Variants in TSC22D1 observed in about 807,000 individuals in gnomAD.
The protein encoded by TSC22D1 is TSC22 domain family member 1.
Under a neutral mutation model 74.2 loss-of-function variants are expected in TSC22D1, and 9 were observed. That is an observed-to-expected ratio of 0.12 (90% CI 0.07 to 0.21). The LOEUF is 0.21. Ranked by LOEUF, TSC22D1 falls within the 10% of genes least tolerant of loss-of-function variation. The pLI is 1.00. For missense variants in TSC22D1, 1,427 were observed against 1,304.7 expected (o/e 1.09, Z -1.44); for synonymous variants, 586 against 492.5 (o/e 1.19, Z -2.51).
At chr13:44,553,535 C>G (rs1882428466) in intron 1 of TSC22D1, among the ~76,000 whole-genome samples, 2 of 152,244 alleles carry the variant, frequency 1.3e-5, no homozygotes, top group South Asian at 4.1e-4. Context: ...TGGGACTGAG[C>G]ATGGAAGAGA....
chr13:44,509,960 A>G (rs1205759126), intron 1 of TSC22D1, among the ~76,000 whole-genome samples: 3 of 149,844 alleles, frequency 2.0e-5, no homozygotes, highest in African/African-American at 7.5e-5. Flanking sequence ...CAAAAAAAAA[A>G]AAAAAAAAAA....
In TSC22D1 at chr13:44,443,434, A is replaced by G. The variant is rs140718097; in HGVS notation, c.2913-7339T>C. On this transcript the variant is annotated intron_variant, in intron 1 of 2. Coordinates refer to ENST00000458659, the MANE Select transcript of TSC22D1 (RefSeq NM_183422.4). ...AAGGATTCATCACTGTAACTCCTTC[A>G]GACAGAAGGAAAATGATACCAGATG... 1.5e-3 allele frequency among the ~76,000 whole-genome samples: 224 copies of G among 152,344 alleles called. 1 individual carries two copies. Among genetic ancestry groups the G allele is most frequent in the African/African-American group, 5.0e-3 (208 of 41,586 alleles).
chr13:44,576,752 G>A (rs1884281378), upstream of TSC22D1, among the ~76,000 whole-genome samples: 1 of 151,206 alleles, frequency 6.6e-6, no homozygotes, highest in Non-Finnish European at 1.5e-5. Context: ...GGGCGGCGGC[G>A]AGGCGCCCGG....
At chr13:44,476,332 A>G (rs2137920839) in intron 1 of TSC22D1, among the ~76,000 whole-genome samples, 1 of 152,288 alleles carries the variant, frequency 6.6e-6, no homozygotes, top group East Asian at 1.9e-4. Flanking sequence ...TTTATTATAA[A>G]ACAGAATCAT....
At chr13:44,506,486 G>A (rs553871149) in intron 1 of TSC22D1, among the ~76,000 whole-genome samples, 1 of 152,260 alleles carries the variant, frequency 6.6e-6, no homozygotes, top group South Asian at 2.1e-4. Context: ...CTGTTGAGGG[G>A]GCAGGGGAGG....
At chr13:44,473,176 C>T (rs1877703805) in intron 1 of TSC22D1, among the ~76,000 whole-genome samples, 1 of 152,102 alleles carries the variant, frequency 6.6e-6, no homozygotes, top group Non-Finnish European at 1.5e-5. Context: ...ACCAATCACT[C>T]AAGTATTTTA....
chr13:44,575,062 A>T lies in TSC22D1; in HGVS notation c.1013T>A (p.Ile338Lys). ...VTSSMLGNVN[I>K]STSNIPSAAG... ...AGCACTAGGAATATTGCTTGTACTT[A>T]TATTAACATTACCAAGCATGCTGCT... The change falls in exon 1 of 3, where the codon ATA becomes AAA. Residue 338 changes from isoleucine (I) to lysine (K), a missense_variant. By Grantham distance (102) the Ile-to-Lys change is moderately radical. Transcript: ENST00000458659. 6.2e-7 allele frequency: 1 copy of T among 1,614,204 alleles called. No homozygotes were observed.
intron 1 of TSC22D1, chr13:44,537,976 T>C (rs1326318478): frequency 3.0e-6 from 3 of 985,210 alleles, no homozygotes; most frequent in African/African-American, 3.5e-5. Flanking sequence ...CATTCTTTAA[T>C]AGCTTTTGAC....
intron 1 of TSC22D1, among the ~76,000 whole-genome samples, chr13:44,528,222 A>C (rs1481132926): frequency 6.6e-6 from 1 of 152,108 alleles, no homozygotes. Flanking sequence ...AGGCTACTTC[A>C]TCCAACAACA....
At position 44,574,766 on chromosome 13, in the gene TSC22D1, G is replaced by C. The variant is rs957273864; in HGVS notation, c.1309C>G (p.Pro437Ala). 6.2e-7 allele frequency: 1 copy of C among 1,613,930 alleles called. No homozygotes were observed. The highest frequency in any genetic ancestry group is 1.3e-5 in the African/African-American group (1 of 74,908). Residue 437 changes from proline (P) to alanine (A), a missense_variant, in exon 1 of 3, where the codon CCT becomes GCT. Transcript: ENST00000458659. ...TEFYEKENAV[P>A]ATEGVLINKV... is the part of the protein sequence containing the mutation. ...TTTATCAGCACACCTTCTGTAGCAG[G>C]TACAGCATTTTCTTTTTCATAGAAC...
intron 1 of TSC22D1, among the ~76,000 whole-genome samples, chr13:44,553,351 T>C (rs1056577013): frequency 6.6e-6 from 1 of 152,212 alleles, no homozygotes; most frequent in Admixed American, 6.5e-5. Context: ...TACTATTTTT[T>C]TTTTTCACTT....
intron 1 of TSC22D1, among the ~76,000 whole-genome samples, chr13:44,511,303 T>A (rs1346910186): frequency 6.6e-6 from 1 of 151,864 alleles, no homozygotes; most frequent in South Asian, 2.1e-4. Flanking sequence ...CCAAAAAAAA[T>A]TTTCAAACAA....
rs773417151 is a variant in TSC22D1 at position 44,575,623 on chromosome 13, G to A, written c.452C>T (p.Ser151Phe). The A allele has an allele frequency of 1.9e-6, 3 of 1,614,092 alleles. No individual in the cohort carries two copies. Among genetic ancestry groups the A allele is most frequent in the African/African-American group, 2.7e-5 (2 of 74,952 alleles). Reference protein sequence around the residue: ...LDESHTEDLSSSEILDVSLSR... With the variant: ...LDESHTEDLSFSEILDVSLSR... ...AAGTGACACATCAAGGATCTCCGAA[G>A]AAGAGAGATCTTCCGTGTGAGATTC... is the stretch of plus-strand genomic sequence containing the variant. Residue 151 changes from serine (S) to phenylalanine (F), a missense_variant, in exon 1 of 3, where the codon TCT (serine) becomes TTT (phenylalanine). Physicochemically the swap from Ser to Phe is radical, Grantham distance 155. This residue lies in a region of TSC22D1 where 1,343 missense variants were observed against 1,191.5 expected (regional missense o/e 1.13). Coordinates refer to ENST00000458659, the MANE Select transcript of TSC22D1 (RefSeq NM_183422.4).
At chr13:44,445,681 A>G (rs75440847) in intron 1 of TSC22D1, among the ~76,000 whole-genome samples, 3,997 of 152,248 alleles carry the variant, frequency 0.026, 149 homozygotes, top group African/African-American at 0.086. Context: ...AATAGCAAGA[A>G]AACAAACAAC....
At chr13:44,460,943 G>C (rs1876965328) in intron 1 of TSC22D1, among the ~76,000 whole-genome samples, 1 of 152,212 alleles carries the variant, frequency 6.6e-6, no homozygotes, top group Non-Finnish European at 1.5e-5. Context: ...CAGTAGGAAT[G>C]ATATAATTTA....
chr13:44,449,309 C>T lies in TSC22D1; in HGVS notation c.2913-13214G>A, dbSNP rs77171976. 5.6e-3 allele frequency among the ~76,000 whole-genome samples: 851 copies of T among 152,354 alleles called. 7 individuals carry two copies. Among genetic ancestry groups the T allele is most frequent in the African/African-American group, 0.019 (807 of 41,578 alleles). On this transcript the variant is annotated intron_variant, in intron 1 of 2. Transcript: ENST00000458659. ...CACCACAGACACAGAGCCACACTTG[C>T]TGACGGACACATTACTTAGTGAATG... is the stretch of plus-strand genomic sequence containing the variant.
At chr13:44,511,993 A>C (rs1044439988) in intron 1 of TSC22D1, among the ~76,000 whole-genome samples, 1 of 152,124 alleles carries the variant, frequency 6.6e-6, no homozygotes, top group African/African-American at 2.4e-5. Context: ...TTCTCATTCT[A>C]CACACATTTT....
chr13:44,577,037 C>T (rs1457964977), upstream of TSC22D1: 1 of 152,492 alleles, frequency 6.6e-6, no homozygotes, highest in African/African-American at 2.4e-5. Flanking sequence ...CCTCTTCCTC[C>T]GCAGCCGGCT....
intron 1 of TSC22D1, among the ~76,000 whole-genome samples, chr13:44,562,304 C>G (rs536300613): frequency 1.3e-5 from 2 of 152,002 alleles, no homozygotes; most frequent in South Asian, 2.1e-4. Context: ...GCCTCCCAAA[C>G]TGCTGGGACT....
Sources: allele counts gnomAD v4.1 joint callset (sites outside exome capture counted in the v4.1 genomes callset), GRCh38; gene constraint gnomAD v4.1.1; regional missense constraint gnomAD v4.1.1; transcripts MANE v1.5; gene names NCBI Gene and HGNC (gene_info 2026-07-23, HGNC 2026-07-21).